USP45: variants seen among roughly 807,000 people sequenced by gnomAD.
USP45 encodes the protein ubiquitin carboxyl-terminal hydrolase 45.
In USP45, 89 loss-of-function variants were observed where a neutral mutation model predicts 95.8. The ratio of observed to expected loss-of-function variants is 0.93; its 90% CI spans 0.78 to 1.11. USP45 has a LOEUF of 1.11. USP45 is among the 50% of genes least tolerant of loss of function. The probability of loss-of-function intolerance (pLI) is 0.00; values close to 1 mark genes in which losing one functional copy is unlikely to be tolerated. For missense variants in USP45, 898 were observed against 942.5 expected (o/e 0.95, Z 0.62); for synonymous variants, 281 against 316.2 (o/e 0.89, Z 1.18).
At chr6:99,509,969 C>A in intron 2 of USP45, 152 bp downstream of exon 2, 1 of 602,960 alleles carries the variant, frequency 1.7e-6, no homozygotes, top group Non-Finnish European at 2.9e-6. Context: ...AGTTTTCACG[C>A]ATCCCAAGAA....
chr6:99,504,848 G>C (rs1254267207), intron 4 of USP45, among the ~76,000 whole-genome samples: 2 of 152,160 alleles, frequency 1.3e-5, no homozygotes, highest in Admixed American at 1.3e-4. Flanking sequence ...ACAACGTACA[G>C]AACAGCACAG....
At chr6:99,473,385 C>CGAA (rs35388909) in intron 9 of USP45, among the ~76,000 whole-genome samples, 13,178 of 142,700 alleles carry the variant, frequency 0.092, 633 homozygotes, top group African/African-American at 0.15. Context: ...ACTAAAAATA[C>CGAA]AAAAAAAAAA....
At chr6:99,483,432 T>A (rs1050764147) in intron 7 of USP45, among the ~76,000 whole-genome samples, 11 of 152,120 alleles carry the variant, frequency 7.2e-5, no homozygotes, top group Non-Finnish European at 1.5e-4. Flanking sequence ...AATTCTAGAA[T>A]TTTTTTCCCC....
At chr6:99,482,934 CAT>C (rs1249520950) in intron 7 of USP45, 51 bp from the exon 8 acceptor site, 1 of 1,375,880 alleles carries the variant, frequency 7.3e-7, no homozygotes, top group Non-Finnish European at 9.5e-7. Context: ...TTAAAAATAA[CAT>C]ATTAAAAATC....
At chr6:99,464,269 G>T (rs1787324037) in intron 13 of USP45, among the ~76,000 whole-genome samples, 1 of 152,170 alleles carries the variant, frequency 6.6e-6, no homozygotes, top group Admixed American at 6.6e-5. Context: ...TTGCACCATT[G>T]CACTCCAGCC....
chr6:99,456,955 T>TG, intron 13 of USP45, among the ~76,000 whole-genome samples: 1 of 152,336 alleles, frequency 6.6e-6, no homozygotes, highest in African/African-American at 2.4e-5. Flanking sequence ...AATGCGTGCC[T>TG]GGGGGTAGGC....
At chr6:99,476,061 C>T in intron 9 of USP45, 82 bp downstream of exon 9, 2 of 1,293,020 alleles carry the variant, frequency 1.5e-6, no homozygotes, top group South Asian at 1.3e-5. Flanking sequence ...AGATGATCCA[C>T]CCCGCCTTGG....
chr6:99,505,930 C>T (rs1798429786), intron 4 of USP45, among the ~76,000 whole-genome samples: 1 of 152,194 alleles, frequency 6.6e-6, no homozygotes, highest in South Asian at 2.1e-4. Context: ...CCTTATTGAA[C>T]TGCCACACTA....
At chr6:99,502,088 T>A (rs1432119519) in intron 5 of USP45, 2 of 1,229,574 alleles carry the variant, frequency 1.6e-6, no homozygotes, top group African/African-American at 3.2e-5. Context: ...AATGATTCAA[T>A]CAATCATGCC....
intron 9 of USP45, among the ~76,000 whole-genome samples, chr6:99,473,281 T>C (rs1789905592): frequency 6.6e-6 from 1 of 152,108 alleles, no homozygotes; most frequent in Non-Finnish European, 1.5e-5. Flanking sequence ...AGCTCATGCC[T>C]GTGATCCCAG....
chr6:99,483,992 T>C (rs1793126307), intron 7 of USP45, among the ~76,000 whole-genome samples: 1 of 133,942 alleles, frequency 7.5e-6, no homozygotes, highest in South Asian at 2.7e-4. Context: ...GGACAGGCTA[T>C]AATTTTCCAT....
At chr6:99,488,624 G>T in intron 6 of USP45, 57 bp downstream of exon 6, 1 of 1,531,404 alleles carries the variant, frequency 6.5e-7, no homozygotes, top group Non-Finnish European at 8.8e-7. Context: ...GTGAGCCAAT[G>T]ACTACATAAA....
chr6:99,452,052 T>C (rs1783982605), intron 13 of USP45, among the ~76,000 whole-genome samples: 1 of 152,212 alleles, frequency 6.6e-6, no homozygotes, highest in Non-Finnish European at 1.5e-5. Context: ...AAGACTTACA[T>C]GTTAGAGCTA....
chr6:99,479,539 T>C (rs1279253130), intron 8 of USP45, among the ~76,000 whole-genome samples: 1 of 135,898 alleles, frequency 7.4e-6, no homozygotes, highest in Non-Finnish European at 1.5e-5. Context: ...TTATTTTATG[T>C]CACATATACC....
intron 13 of USP45, among the ~76,000 whole-genome samples, chr6:99,451,497 A>C (rs2128573341): frequency 6.6e-6 from 1 of 152,342 alleles, no homozygotes; most frequent in Non-Finnish European, 1.5e-5. Context: ...CTCTTCAAGG[A>C]GAACTACAAA....
chr6:99,456,465 G>A (rs552040011), intron 13 of USP45, among the ~76,000 whole-genome samples: 32 of 152,308 alleles, frequency 2.1e-4, no homozygotes, highest in Non-Finnish European at 3.4e-4. Flanking sequence ...TGGAGGGACC[G>A]GCTGAAGCCA....
At chr6:99,486,404 T>G (rs1793881509) in intron 7 of USP45, among the ~76,000 whole-genome samples, 1 of 152,124 alleles carries the variant, frequency 6.6e-6, no homozygotes, top group South Asian at 2.1e-4. Context: ...CAATCGCATT[T>G]AACAGGAAAT....
chr6:99,488,055 GATT>G, intron 7 of USP45, 142 bp downstream of exon 7: 1 of 618,452 alleles, frequency 1.6e-6, no homozygotes, highest in Non-Finnish European at 2.8e-6. Context: ...TTTTAAATCT[GATT>G]ATTTTCACAG....
At chr6:99,486,749 T>C (rs1165179323) in intron 7 of USP45, among the ~76,000 whole-genome samples, 1 of 152,148 alleles carries the variant, frequency 6.6e-6, no homozygotes, top group Admixed American at 6.5e-5. Flanking sequence ...TAAGCATGTT[T>C]AGAGGGCTAA....
Sources: gnomAD v4.1 joint callset for allele counts (sites outside exome capture counted in the v4.1 genomes callset) on GRCh38, gnomAD v4.1.1 for gene constraint, MANE v1.5 for transcripts, NCBI Gene and HGNC (gene_info 2026-07-23, HGNC 2026-07-21) for gene names.